KDELR3: variants seen among roughly 807,000 people sequenced by gnomAD.
KDELR3 encodes the protein ER lumen protein-retaining receptor 3.
In KDELR3, 26 loss-of-function variants were observed where a neutral mutation model predicts 22.7. The ratio of observed to expected loss-of-function variants is 1.15; its 90% CI spans 0.84 to 1.59. The LOEUF (loss-of-function observed/expected upper bound fraction) is 1.59, where lower values mean the gene tolerates loss of function less well. Among genes scored for constraint, KDELR3 ranks in the 40% most tolerant of loss-of-function variants. The pLI, the probability that KDELR3 is intolerant of heterozygous loss-of-function variation, is 0.00. For missense variants in KDELR3, 289 were observed against 251.1 expected (o/e 1.15, Z -1.02); for synonymous variants, 120 against 98.2 (o/e 1.22, Z -1.31).
At chr22:38,478,191 T>C (rs2089572723) in intron 2 of KDELR3, among the ~76,000 whole-genome samples, 2 of 151,890 alleles carry the variant, frequency 1.3e-5, no homozygotes, top group Admixed American at 1.3e-4. Context: ...ATAGGAGTGC[T>C]CTAGGCCAGT....
In KDELR3 at chr22:38,482,666, C is replaced by T; in HGVS notation, c.*130C>T. 1 of 786,122 alleles carries T rather than the reference C, an allele frequency of 1.3e-6. No individual in the cohort carries two copies. Among genetic ancestry groups the T allele is most frequent in the Non-Finnish European group, 2.1e-6 (1 of 471,470 alleles). 48.7% of individuals were successfully genotyped at this position (786,122 alleles called of 1,614,324 possible). ...GAAAAGTGTTTAGTGTGGATTTCAG[C>T]AAAACCTGATCATCCCACCCAGAAG... On this transcript the variant is annotated 3_prime_UTR_variant, in exon 5 of 5. Transcript: ENST00000216014.
At chr22:38,478,988 G>C (rs904604908) in intron 2 of KDELR3, among the ~76,000 whole-genome samples, 3 of 152,006 alleles carry the variant, frequency 2.0e-5, no homozygotes, top group African/African-American at 7.3e-5. Context: ...TGCTGGCCTG[G>C]AAGGTTGGAG....
In KDELR3 at chr22:38,468,170, C is replaced by T. The variant is rs2089498414; in HGVS notation, c.-64C>T. Reference sequence around the variant, plus strand: ...CCGGGGCCGGAGACGTGGCAGCCGCCCTGCCCGCCAGAAAGTTTCCTAGAA... The same window carrying T: ...CCGGGGCCGGAGACGTGGCAGCCGCTCTGCCCGCCAGAAAGTTTCCTAGAA... On this transcript the variant is annotated 5_prime_UTR_variant, in exon 1 of 5. Transcript: ENST00000216014. The T allele has an allele frequency of 1.4e-6, 2 of 1,466,828 alleles. No individual in the cohort carries two copies. Among genetic ancestry groups the T allele is most frequent in the Admixed American group, 1.7e-5 (1 of 57,432 alleles). 90.9% of individuals were successfully genotyped at this position (1,466,828 alleles called of 1,614,324 possible). A position where few individuals can be genotyped will look rare whatever the true frequency, so the allele number is the denominator to read the frequency against.
intron 2 of KDELR3, among the ~76,000 whole-genome samples, chr22:38,476,979 G>A (rs138428): frequency 0.9 from 135,591 of 150,638 alleles, 62,126 homozygotes; most frequent in Non-Finnish European, 0.98. Flanking sequence ...GCGCGATCTC[G>A]GCTCATTGCA....
chr22:38,480,424 G>A (rs2089591352), intron 3 of KDELR3, among the ~76,000 whole-genome samples: 1 of 152,140 alleles, frequency 6.6e-6, no homozygotes, highest in Non-Finnish European at 1.5e-5. Flanking sequence ...GATTATAGGT[G>A]TGAGCCTGGC....
chr22:38,481,185 T>C lies in KDELR3; in HGVS notation c.352-27T>C, dbSNP rs375606041. 2.5e-6 allele frequency: 4 copies of C among 1,597,728 alleles called. No homozygotes were observed. In the African/African-American group the frequency reaches 4.0e-5, roughly 16 times the overall value. On this transcript the variant is annotated intron_variant, in intron 3 of 4. Transcript: ENST00000216014. ...TGGGCCTCTTCTTGGTCTTGCTCAGTCTCTGGTTGCTTTCTCTTTGGCTCA... is the reference window on the plus strand; with the variant it reads ...TGGGCCTCTTCTTGGTCTTGCTCAGCCTCTGGTTGCTTTCTCTTTGGCTCA...
At chr22:38,470,298 A>G (rs1421963120) in intron 1 of KDELR3, among the ~76,000 whole-genome samples, 1 of 151,550 alleles carries the variant, frequency 6.6e-6, no homozygotes, top group Non-Finnish European at 1.5e-5. Context: ...TAATTTTTGT[A>G]TTTTTAGTAG....
chr22:38,468,314 G>A lies in KDELR3; in HGVS notation c.81G>A (p.Lys27=), dbSNP rs766518539. The part of the protein sequence containing the change: ...ILLLGKIWRS[K]CCKGISGKSQ... ...TGCTGGGGAAGATCTGGAGGTCCAAGTGCTGCAAGGGTGAGGGGCGCCTGG... is the reference window on the plus strand; with the variant it reads ...TGCTGGGGAAGATCTGGAGGTCCAAATGCTGCAAGGGTGAGGGGCGCCTGG... The change falls in exon 1 of 5, where the codon AAG becomes AAA. Residue 27 remains lysine (K), a synonymous_variant. Transcript: ENST00000216014. 12 of 1,613,668 alleles carry A rather than the reference G, an allele frequency of 7.4e-6. No individual in the cohort carries two copies. Among genetic ancestry groups the A allele is most frequent in the Non-Finnish European group, 1.0e-5 (12 of 1,179,934 alleles).
In KDELR3 at chr22:38,482,491, T is replaced by TC; in HGVS notation, c.605-3dup. 1.2e-6 allele frequency: 2 copies of TC among 1,609,944 alleles called. No homozygotes were observed. The highest frequency in any genetic ancestry group is 1.7e-6 in the Non-Finnish European group (2 of 1,176,202). On this transcript the variant is annotated splice_polypyrimidine_tract_variant and splice_region_variant and intron_variant, in intron 4 of 4. Transcript: ENST00000216014. Reference sequence around the variant, plus strand: ...AATTCTTATTTCATCTCCATTTTCTTCCAGTCCTTAAGGGAAAGAAGTTAA... The same window carrying TC: ...AATTCTTATTTCATCTCCATTTTCTTCCCAGTCCTTAAGGGAAAGAAGTTAA...
At chr22:38,480,533 G>A (rs1257377093) in intron 3 of KDELR3, among the ~76,000 whole-genome samples, 1 of 151,942 alleles carries the variant, frequency 6.6e-6, no homozygotes, top group Non-Finnish European at 1.5e-5. Flanking sequence ...GGCTCATGAG[G>A]TCAGGAGATC....
intron 1 of KDELR3, among the ~76,000 whole-genome samples, chr22:38,469,136 A>C (rs1304099400): frequency 2.0e-5 from 3 of 152,194 alleles, no homozygotes; most frequent in African/African-American, 7.2e-5. Context: ...TGGAAGGAGC[A>C]GCTCCGTGCT....
Position 38,477,357 on chromosome 22 carries a change from A to T in KDELR3, c.193-2236A>T, listed in dbSNP as rs183084041. Among the ~76,000 whole-genome samples the T allele has an allele frequency of 4.0e-5, 6 of 151,342 alleles. No individual in the cohort carries two copies. In the East Asian group the frequency reaches 1.2e-3, roughly 29 times the overall value. On this transcript the variant is annotated intron_variant, in intron 2 of 4. Transcript: ENST00000216014. The stretch of plus-strand genomic sequence containing the variant: ...GTAGCTGGGATTACAGGTGCACACC[A>T]CCATGCCTGGCTAATTTTTGTATTT...
intron 1 of KDELR3, among the ~76,000 whole-genome samples, chr22:38,470,320 C>T (rs961372796): frequency 6.6e-5 from 10 of 152,146 alleles, no homozygotes; most frequent in South Asian, 4.1e-4. Flanking sequence ...GACGGGGTTT[C>T]GCCATATTGG....
At chr22:38,469,925 T>C (rs1321005620) in intron 1 of KDELR3, among the ~76,000 whole-genome samples, 1 of 152,210 alleles carries the variant, frequency 6.6e-6, no homozygotes, top group Admixed American at 6.5e-5. Flanking sequence ...GTTCAAGCGA[T>C]TCTCCTGCCT....
At chr22:38,472,884 G>C (rs557272943) in intron 1 of KDELR3, among the ~76,000 whole-genome samples, 1 of 152,086 alleles carries the variant, frequency 6.6e-6, no homozygotes, top group African/African-American at 2.4e-5. Flanking sequence ...TTTTTTAGTG[G>C]AGATGGGGTT....
rs1555921751 is a variant in KDELR3 at position 38,468,188 on chromosome 22, T to TC, written c.-44dup. ...CAGCCGCCCTGCCCGCCAGAAAGTT[T>TC]CCTAGAAGTTTGCTGGGCGCGGGCG... On this transcript the variant is annotated 5_prime_UTR_variant, in exon 1 of 5. Transcript: ENST00000216014. 1 of 1,579,586 alleles carries TC rather than the reference T, an allele frequency of 6.3e-7. No homozygotes were observed. The highest frequency in any genetic ancestry group is 8.7e-7 in the Non-Finnish European group (1 of 1,150,042).
In KDELR3 at chr22:38,482,573, T is replaced by C. The variant is rs202085530; in HGVS notation, c.*37T>C. The C allele has an allele frequency of 1.9e-6, 3 of 1,548,394 alleles. No homozygotes were observed. The highest frequency in any genetic ancestry group is 2.7e-6 in the Non-Finnish European group (3 of 1,123,022). On this transcript the variant is annotated 3_prime_UTR_variant, in exon 5 of 5. Coordinates refer to ENST00000216014, the MANE Select transcript of KDELR3 (RefSeq NM_006855.4). ...GACAGTCTACGCCTTAACAAGCACA[T>C]GAAGGAAACTATTTTGAATGTTCTC...
Position 38,474,596 on chromosome 22 carries a change from C to G in KDELR3, c.165C>G (p.Phe55Leu). ...GGTACCTGGACCTGTTCACCAACTT[C>G]ATCTCCATCTACAACACAGTAATGA... ...TTRYLDLFTN[F>L]ISIYNTVMKV... The change falls in exon 2 of 5, where the codon TTC becomes TTG. Residue 55 changes from phenylalanine to leucine, a missense_variant. Physicochemically the swap from Phe to Leu is conservative, Grantham distance 22. Coordinates refer to ENST00000216014, the MANE Select transcript of KDELR3 (RefSeq NM_006855.4). The G allele has an allele frequency of 6.2e-7, 1 of 1,613,920 alleles. No homozygotes were observed. Among genetic ancestry groups the G allele is most frequent in the Non-Finnish European group, 8.5e-7 (1 of 1,179,852 alleles).
chr22:38,479,326 GC>G (rs1602661970), intron 2 of KDELR3, among the ~76,000 whole-genome samples: 2 of 152,300 alleles, frequency 1.3e-5, no homozygotes, highest in East Asian at 3.9e-4. Flanking sequence ...TTCACCTAAT[GC>G]TCCACAAATG....
Sources: gnomAD v4.1 joint callset for allele counts (sites outside exome capture counted in the v4.1 genomes callset) on GRCh38, gnomAD v4.1.1 for gene constraint, MANE v1.5 for transcripts, NCBI Gene and HGNC (gene_info 2026-07-23, HGNC 2026-07-21) for gene names.